The following HECTD2 variants were observed in gnomAD, a reference collection of about 807,000 sequenced individuals.
HECTD2 encodes HECT domain E3 ubiquitin protein ligase 2, also known as probable E3 ubiquitin-protein ligase HECTD2.
Under a neutral mutation model 103.2 loss-of-function variants are expected in HECTD2, and 35 were observed. The observed-to-expected ratio is 0.34, with a 90% CI of 0.26 to 0.45. HECTD2 has a LOEUF of 0.45. Ranked by LOEUF, HECTD2 falls within the 20% of genes least tolerant of loss-of-function variation. The pLI, the probability that HECTD2 is intolerant of heterozygous loss-of-function variation, is 1.00. For missense variants in HECTD2, 596 were observed against 937.4 expected (o/e 0.64, Z 4.76); for synonymous variants, 281 against 329.9 (o/e 0.85, Z 1.61).
intron 1 of HECTD2, among the ~76,000 whole-genome samples, chr10:91,411,665 A>G (rs1404177828): frequency 6.6e-6 from 1 of 152,238 alleles, no homozygotes; most frequent in Non-Finnish European, 1.5e-5. Flanking sequence ...ATAACTGGAA[A>G]TTGTTAAAAC....
intron 2 of HECTD2, among the ~76,000 whole-genome samples, chr10:91,456,784 CT>C (rs962289640): frequency 6.6e-6 from 1 of 151,988 alleles, no homozygotes; most frequent in Non-Finnish European, 1.5e-5. Context: ...ATATCTAAGC[CT>C]TTAGCTCACG....
At chr10:91,438,645 A>G (rs1844244760) in intron 2 of HECTD2, among the ~76,000 whole-genome samples, 1 of 152,176 alleles carries the variant, frequency 6.6e-6, no homozygotes, top group Non-Finnish European at 1.5e-5. Context: ...TCCTTGAGGA[A>G]TCGCCACACT....
chr10:91,451,224 A>T (rs1027699005), intron 2 of HECTD2, among the ~76,000 whole-genome samples: 1 of 152,128 alleles, frequency 6.6e-6, no homozygotes. Flanking sequence ...CTTTGCAGGG[A>T]CATGGACGAA....
rs556316926 is a variant in HECTD2 at position 91,472,598 on chromosome 10, A to G, written c.601-5603A>G. ...TATCCAGAATCTATAAAAAACTGAA[A>G]TAATAAGCAAAAGCAAACGACTTCA... is the stretch of plus-strand genomic sequence containing the variant. On this transcript the variant is annotated intron_variant, in intron 5 of 20. Transcript: ENST00000298068. 4.6e-5 allele frequency among the ~76,000 whole-genome samples: 7 copies of G among 152,292 alleles called. 1 individual carries two copies. The highest frequency in any genetic ancestry group is 1.7e-4 in the African/African-American group (7 of 41,572).
intron 20 of HECTD2, among the ~76,000 whole-genome samples, chr10:91,510,054 C>G (rs1847360330): frequency 2.6e-5 from 4 of 152,110 alleles, no homozygotes; most frequent in Admixed American, 2.6e-4. Context: ...AAAATGAAGA[C>G]ATATAATGGG....
chr10:91,420,291 A>G (rs1359701597), intron 1 of HECTD2, among the ~76,000 whole-genome samples: 2 of 152,012 alleles, frequency 1.3e-5, no homozygotes, highest in South Asian at 2.1e-4. Flanking sequence ...AAAAAAAAAA[A>G]AAAAGAAAAT....
chr10:91,505,257 A>C (rs1051521686), intron 20 of HECTD2, among the ~76,000 whole-genome samples: 1 of 152,070 alleles, frequency 6.6e-6, no homozygotes, highest in South Asian at 2.1e-4. Flanking sequence ...GACAGGATCA[A>C]ATTCACACAT....
chr10:91,429,548 A>G (rs1843740887), intron 2 of HECTD2, among the ~76,000 whole-genome samples: 1 of 152,172 alleles, frequency 6.6e-6, no homozygotes, highest in Non-Finnish European at 1.5e-5. Flanking sequence ...TATTGCCACA[A>G]TTTCAGATCC....
At chr10:91,462,707 G>A in intron 5 of HECTD2, 1 of 987,632 alleles carries the variant, frequency 1.0e-6, no homozygotes, top group Non-Finnish European at 1.2e-6. Context: ...GAAGGACTAA[G>A]TGGGAATGAT....
chr10:91,503,476 G>C (rs1043174541), intron 20 of HECTD2, among the ~76,000 whole-genome samples: 5 of 152,214 alleles, frequency 3.3e-5, no homozygotes, highest in Non-Finnish European at 7.3e-5. Flanking sequence ...AAGCGCAAGG[G>C]GTCAGGGAGT....
At chr10:91,504,581 A>G (rs1833573339) in intron 20 of HECTD2, among the ~76,000 whole-genome samples, 2 of 152,136 alleles carry the variant, frequency 1.3e-5, no homozygotes, top group African/African-American at 4.8e-5. Flanking sequence ...TAGAGAAAAA[A>G]GAATAAAAAG....
chr10:91,500,185 G>C (rs532058400), intron 18 of HECTD2, among the ~76,000 whole-genome samples: 1 of 152,138 alleles, frequency 6.6e-6, no homozygotes, highest in Non-Finnish European at 1.5e-5. Flanking sequence ...ACTAGGATAC[G>C]GGATATTAGG....
In HECTD2 at chr10:91,492,542, T is replaced by C. The variant is rs1846518999; in HGVS notation, c.1432+58T>C. 3 of 1,260,964 alleles carry C rather than the reference T, an allele frequency of 2.4e-6. No homozygotes were observed. In the South Asian group the frequency reaches 3.8e-5, roughly 16 times the overall value. The allele number at this position is 1,260,964 out of a possible 1,614,324, so 78.1% of individuals were successfully genotyped here. A position where few individuals can be genotyped will look rare whatever the true frequency, so the allele number is the denominator to read the frequency against. On this transcript the variant is annotated intron_variant, in intron 13 of 20. Coordinates refer to ENST00000298068, the MANE Select transcript of HECTD2 (RefSeq NM_182765.6). ...TTTCTTCATAATTGTTAGAGTGAAG[T>C]AGTCACCCTTATTTTTAACCTATTC... is the stretch of plus-strand genomic sequence containing the variant.
At chr10:91,498,478 T>G (rs1341407919) in intron 16 of HECTD2, among the ~76,000 whole-genome samples, 1 of 152,178 alleles carries the variant, frequency 6.6e-6, no homozygotes, top group African/African-American at 2.4e-5. Context: ...CTCCTGTAAC[T>G]TCAACATTAG....
chr10:91,467,321 A>G (rs948426552), intron 5 of HECTD2, among the ~76,000 whole-genome samples: 3 of 152,114 alleles, frequency 2.0e-5, no homozygotes, highest in African/African-American at 7.2e-5. Context: ...TTGGTATGGG[A>G]ACATCTGCAG....
rs1843318100 is a variant in HECTD2 at position 91,420,598 on chromosome 10, AAAAAAAAG to A, written c.139-4670_139-4663del. ...GCAAGACTATATCTCAAAAGAAAAA[AAAAAAAAG>A]AAAAAAAGAAAATCAGTCTACTATG... On this transcript the variant is annotated intron_variant, in intron 1 of 20. Transcript: ENST00000298068. Among the ~76,000 whole-genome samples the A allele has an allele frequency of 2.0e-5, 3 of 152,048 alleles. No individual in the cohort carries two copies. In the South Asian group the frequency reaches 6.2e-4, roughly 32 times the overall value.
rs1216800239 is a variant in HECTD2, at chr10:91,487,025, A to G, written c.1095-657A>G. 6.6e-6 allele frequency: 1 copy of G among 152,292 alleles called. No homozygotes were observed. The highest frequency in any genetic ancestry group is 1.5e-5 in the Non-Finnish European group (1 of 68,222). The allele number at this position is 152,292 out of a possible 1,614,324, so 9.4% of individuals were successfully genotyped here. A position where few individuals can be genotyped will look rare whatever the true frequency, so the allele number is the denominator to read the frequency against. ...TGCCATATTCATTCTTTCTAAATGCATTTATCTCTGTGTAGTTTGTGGCTT... is the reference window on the plus strand; with the variant it reads ...TGCCATATTCATTCTTTCTAAATGCGTTTATCTCTGTGTAGTTTGTGGCTT... On this transcript the variant is annotated intron_variant, in intron 10 of 20. Transcript: ENST00000298068. This position sits in a 1 kb window ranked among gnomAD's most constrained non-coding sequence, Gnocchi z 4.1.
chr10:91,498,289 A>G, intron 16 of HECTD2, 107 bp downstream of exon 16: 1 of 746,192 alleles, frequency 1.3e-6, no homozygotes, highest in Non-Finnish European at 2.3e-6. Context: ...AGGATTAACC[A>G]ATACATACAA....
intron 2 of HECTD2, among the ~76,000 whole-genome samples, chr10:91,431,900 C>T (rs576687910): frequency 8.7e-4 from 133 of 152,116 alleles, no homozygotes; most frequent in Non-Finnish European, 1.4e-3. Context: ...ATTCTCCGTC[C>T]AGCTTTGTTC....
Sources: gnomAD v4.1 joint callset for allele counts (sites outside exome capture counted in the v4.1 genomes callset) on GRCh38, gnomAD v4.1.1 for gene constraint, Gnocchi (gnomAD v3.1) non-coding constraint, MANE v1.5 for transcripts, NCBI Gene and HGNC (gene_info 2026-07-23, HGNC 2026-07-21) for gene names.